The following PAIP1 variants were observed in gnomAD, a reference collection of about 807,000 sequenced individuals.
PAIP1 encodes the protein polyadenylate-binding protein-interacting protein 1.
Under a neutral mutation model 61.3 loss-of-function variants are expected in PAIP1, and 16 were observed. The observed-to-expected ratio is 0.26, with a 90% CI of 0.18 to 0.40. PAIP1 has a LOEUF of 0.40. Ranked by LOEUF, PAIP1 falls within the 10% of genes least tolerant of loss-of-function variation. The pLI, the probability that PAIP1 is intolerant of heterozygous loss-of-function variation, is 1.00. For missense variants in PAIP1, 416 were observed against 600.9 expected, an observed-to-expected ratio of 0.69 and a Z score of 3.22; for synonymous variants, 187 against 226.2, an observed-to-expected ratio of 0.83 and a Z score of 1.56.
In PAIP1 at chr5:43,556,746, C is replaced by A; in HGVS notation, c.101G>T (p.Gly34Val). ...GGPEGGGFPNGAGPAERARHQ... is the reference protein window; with the variant it reads ...GGPEGGGFPNVAGPAERARHQ... ...CCGCGCCCGCTCAGCAGGCCCCGCT[C>A]CGTTCGGGAAACCGCCGCCCTCAGG... Residue 34 changes from glycine to valine, a missense_variant, in exon 1 of 11, where the codon GGA becomes GTA. Physicochemically the swap from Gly to Val is moderately radical, Grantham distance 109 (BLOSUM62 -3). This residue lies in a region of PAIP1 where 97 missense variants were observed against 89.5 expected (regional missense o/e 1.08). Coordinates refer to ENST00000306846, the MANE Select transcript of PAIP1 (RefSeq NM_006451.5). The A allele has an allele frequency of 7.1e-7, 1 of 1,410,222 alleles. No homozygotes were observed. Among genetic ancestry groups the A allele is most frequent in the Non-Finnish European group, 9.2e-7 (1 of 1,086,072 alleles). The allele number at this position is 1,410,222 out of a possible 1,614,324, so 87.4% of individuals were successfully genotyped here.
At chr5:43,547,042 C>CAAAGAAAAAAA (rs1747664732) in intron 3 of PAIP1, among the ~76,000 whole-genome samples, 1 of 35,664 alleles carries the variant, frequency 2.8e-5, no homozygotes, top group Non-Finnish European at 4.6e-5. Context: ...GACTCCATAT[C>CAAAGAAAAAAA]AAAAAAAAAA....
At chr5:43,544,509 C>T (rs1747552416) in intron 3 of PAIP1, among the ~76,000 whole-genome samples, 2 of 152,142 alleles carry the variant, frequency 1.3e-5, no homozygotes, top group Admixed American at 6.5e-5. Flanking sequence ...ACTTACATCC[C>T]GGTTTTACTC....
Position 43,556,857 on chromosome 5 carries a change from CT to C in PAIP1, c.-12del. 7.1e-7 allele frequency: 1 copy of C among 1,409,026 alleles called. No homozygotes were observed. The highest frequency in any genetic ancestry group is 9.2e-7 in the Non-Finnish European group (1 of 1,085,358). The allele number at this position is 1,409,026 out of a possible 1,614,324, so 87.3% of individuals were successfully genotyped here. ...GAAACCGTCCGACATGCTCCTCCTCCTCCGCCTCCTCCTCCAGGGGCCGCTG... is the reference window on the plus strand; with the variant it reads ...GAAACCGTCCGACATGCTCCTCCTCCCCGCCTCCTCCTCCAGGGGCCGCTG... On this transcript the variant is annotated 5_prime_UTR_variant, in exon 1 of 11. Transcript: ENST00000306846.
chr5:43,531,452 A>T (rs1260269122), intron 9 of PAIP1, among the ~76,000 whole-genome samples: 1 of 149,418 alleles, frequency 6.7e-6, no homozygotes, highest in African/African-American at 2.4e-5. Flanking sequence ...AGTCAAGACC[A>T]GCCTGACCAA....
intron 6 of PAIP1, 69 bp downstream of exon 6, chr5:43,536,750 A>C (rs1747172304): frequency 1.2e-6 from 1 of 820,080 alleles, no homozygotes; most frequent in Non-Finnish European, 2.0e-6. Context: ...TCTGTATACT[A>C]TATAGACTAA....
At chr5:43,534,063 G>A (rs1196230504) in intron 8 of PAIP1, among the ~76,000 whole-genome samples, 19 of 152,182 alleles carry the variant, frequency 1.2e-4, no homozygotes, top group Non-Finnish European at 1.8e-4. Flanking sequence ...TTTAGTGTCA[G>A]TGCATTTTTA....
At chr5:43,548,081 T>C (rs996286119) in intron 2 of PAIP1, among the ~76,000 whole-genome samples, 168 bp from the exon 3 acceptor site, 1 of 152,226 alleles carries the variant, frequency 6.6e-6, no homozygotes, top group African/African-American at 2.4e-5. Context: ...GCCTAAAAGC[T>C]GAAGTGTTAT....
At chr5:43,555,415 C>T (rs1429099591) in intron 2 of PAIP1, among the ~76,000 whole-genome samples, 6 of 152,158 alleles carry the variant, frequency 3.9e-5, no homozygotes, top group Non-Finnish European at 4.4e-5. Flanking sequence ...GTGCTTTGTA[C>T]GGCTATTTAA....
At chr5:43,544,239 CCT>C (rs1561234775) in intron 3 of PAIP1, among the ~76,000 whole-genome samples, 1 of 151,342 alleles carries the variant, frequency 6.6e-6, no homozygotes, top group Admixed American at 6.6e-5. Context: ...TCCTGCTACC[CCT>C]CTGACTCTAT....
intron 6 of PAIP1, among the ~76,000 whole-genome samples, chr5:43,535,986 A>AG (rs1561230125): frequency 1.7e-3 from 53 of 30,292 alleles, no homozygotes; most frequent in Non-Finnish European, 1.5e-3. Context: ...AGCTTTGAAT[A>AG]AAAAAAAAAA....
Position 43,529,826 on chromosome 5 carries a change from A to C in PAIP1, c.1306T>G (p.Tyr436Asp), listed in dbSNP as rs547385153. The C allele has an allele frequency of 5.8e-5, 92 of 1,581,598 alleles. No homozygotes were observed. The highest frequency in any genetic ancestry group is 4.9e-4 in the South Asian group (44 of 90,356). The stretch of plus-strand genomic sequence containing the variant: ...GATAAATCTGTTCCATTTTCTTCAT[A>C]ATCTGGAAAAAAGTCCTCTCTTTCA... ...LLEREDFFPD[Y>D]EENGTDLSGA... The change falls in exon 10 of 11, where the codon TAT becomes GAT. Residue 436 changes from tyrosine to aspartate, a missense_variant. Transcript: ENST00000306846.
At position 43,556,993 on chromosome 5, in the gene PAIP1, G is replaced by A; in HGVS notation, c.-147C>T. 1.6e-6 allele frequency: 2 copies of A among 1,222,370 alleles called. No homozygotes were observed. Among genetic ancestry groups the A allele is most frequent in the Non-Finnish European group, 2.1e-6 (2 of 973,686 alleles). 75.7% of individuals were successfully genotyped at this position (1,222,370 alleles called of 1,614,324 possible). On this transcript the variant is annotated 5_prime_UTR_variant, in exon 1 of 11. Coordinates refer to ENST00000306846, the MANE Select transcript of PAIP1 (RefSeq NM_006451.5). Reference sequence around the variant, plus strand: ...GAGGGCGGCGGGCCCCGGCTCGGCTGCTCGGTGCTTCTGGCGGAGCGGACG... The same window carrying A: ...GAGGGCGGCGGGCCCCGGCTCGGCTACTCGGTGCTTCTGGCGGAGCGGACG...
rs373730839 is a variant in PAIP1 at position 43,550,837 on chromosome 5, C to CAAAAA, written c.436-2929_436-2925dup. ...CACATTCAGAAGTTGAAATATACTA[C>CAAAAA]AAAAAAAAAAAAAAAAAAAAAAGCA... On this transcript the variant is annotated intron_variant, in intron 2 of 10. Transcript: ENST00000306846. Among the ~76,000 whole-genome samples, 217 of 49,540 alleles carry CAAAAA rather than the reference C, an allele frequency of 4.4e-3. 3 individuals carry two copies. Among genetic ancestry groups the CAAAAA allele is most frequent in the Middle Eastern group, 0.025 (1 of 40 alleles). 32.5% of individuals were successfully genotyped at this position (49,540 alleles called of 152,430 possible). A position where few individuals can be genotyped will look rare whatever the true frequency, so the allele number is the denominator to read the frequency against.
chr5:43,552,432 G>A (rs1174432992), intron 2 of PAIP1, among the ~76,000 whole-genome samples: 1 of 152,190 alleles, frequency 6.6e-6, no homozygotes, highest in Non-Finnish European at 1.5e-5. Flanking sequence ...AGATGTCAGG[G>A]TTATTAGCAC....
At chr5:43,549,749 TCG>T (rs1188635581) in intron 2 of PAIP1, among the ~76,000 whole-genome samples, 1 of 150,344 alleles carries the variant, frequency 6.7e-6, no homozygotes. Context: ...AGATGGAGTC[TCG>T]CTCTGTCACC....
At chr5:43,531,676 A>G (rs201734175) in intron 9 of PAIP1, among the ~76,000 whole-genome samples, 7 of 143,106 alleles carry the variant, frequency 4.9e-5, no homozygotes, top group East Asian at 2.3e-4. Flanking sequence ...AAAAAAAAAA[A>G]AGAGAAAAAA....
At chr5:43,550,837 C>CAAAAAAAA (rs373730839) in intron 2 of PAIP1, among the ~76,000 whole-genome samples, 98 of 49,544 alleles carry the variant, frequency 2.0e-3, no homozygotes, top group East Asian at 5.7e-3. Context: ...AAATATACTA[C>CAAAAAAAA]AAAAAAAAAA....
Position 43,539,411 on chromosome 5 carries a change from A to AC in PAIP1, c.735-377_735-376insG, listed in dbSNP as rs960511677. On this transcript the variant is annotated intron_variant, in intron 4 of 10. Transcript: ENST00000306846. ...TGATTTTACCCAAATTGTCTCTGTAATTTTTTTTTTAATACTACAACTTTG... is the reference window on the plus strand; with the variant it reads ...TGATTTTACCCAAATTGTCTCTGTAACTTTTTTTTTTAATACTACAACTTTG... 8.0e-5 allele frequency among the ~76,000 whole-genome samples: 12 copies of AC among 149,712 alleles called. No individual in the cohort carries two copies. The South Asian group carries it at 2.3e-3, about 29-fold the overall frequency.
chr5:43,528,785 C>A (rs1311646670), intron 10 of PAIP1, among the ~76,000 whole-genome samples: 1 of 152,020 alleles, frequency 6.6e-6, no homozygotes, highest in African/African-American at 2.4e-5. Flanking sequence ...CCTCCCATCT[C>A]CTACTTAGGA....
Sources: gnomAD v4.1 joint callset for allele counts (sites outside exome capture counted in the v4.1 genomes callset) on GRCh38, gnomAD v4.1.1 for gene constraint, gnomAD v4.1.1 regional missense constraint, MANE v1.5 for transcripts, NCBI Gene and HGNC (gene_info 2026-07-23, HGNC 2026-07-21) for gene names.